Variants in INPP5D observed in about 807,000 individuals in gnomAD.
INPP5D encodes the protein inositol polyphosphate-5-phosphatase D.
In INPP5D, 33 loss-of-function variants were observed where a neutral mutation model predicts 122.9. That is an observed-to-expected ratio of 0.27 (90% CI 0.20 to 0.36). The LOEUF is 0.36. Among genes scored for constraint, INPP5D ranks in the 10% least tolerant of loss-of-function variants. The probability of loss-of-function intolerance (pLI) is 1.00; values close to 1 mark genes in which losing one functional copy is unlikely to be tolerated. For synonymous variants in INPP5D, 584 were observed against 576.2 expected (o/e 1.01, Z -0.19); for missense variants, 1,053 against 1,412.7 (o/e 0.75, Z 4.08).
rs1049584560 is a variant in INPP5D, at chr2:233,145,905, G to T, written c.754-257G>T. The T allele has an allele frequency of 4.2e-5, 27 of 647,524 alleles. No individual in the cohort carries two copies. In the African/African-American group the frequency reaches 4.5e-4, roughly 11 times the overall value. 40.1% of individuals were successfully genotyped at this position (647,524 alleles called of 1,614,324 possible). A position where few individuals can be genotyped will look rare whatever the true frequency, so the allele number is the denominator to read the frequency against. On this transcript the variant is annotated intron_variant, in intron 6 of 26. Coordinates refer to ENST00000445964, the MANE Select transcript of INPP5D (RefSeq NM_001017915.3). Reference sequence around the variant, plus strand: ...CCTCGAGTTTTGTTTAAGCAACGGAGTGGGTGAGGTGAGAAGCACCGGGGG... The same window carrying T: ...CCTCGAGTTTTGTTTAAGCAACGGATTGGGTGAGGTGAGAAGCACCGGGGG...
At chr2:233,093,897 G>A (rs1466331771) in intron 2 of INPP5D, among the ~76,000 whole-genome samples, 1 of 152,148 alleles carries the variant, frequency 6.6e-6, no homozygotes, top group African/African-American at 2.4e-5. Context: ...CTTGGCAGAA[G>A]AACACGCTAT....
intron 17 of INPP5D, among the ~76,000 whole-genome samples, chr2:233,171,983 A>C (rs1019388548): frequency 3.9e-5 from 6 of 152,226 alleles, no homozygotes; most frequent in African/African-American, 1.4e-4. Context: ...CTCAGGAGAA[A>C]GTGAAGAACT....
intron 24 of INPP5D, among the ~76,000 whole-genome samples, chr2:233,196,428 C>T (rs542835711): frequency 2.6e-5 from 4 of 152,230 alleles, no homozygotes; most frequent in South Asian, 2.1e-4. Flanking sequence ...TAGGAACTTG[C>T]GGCCTAGTGC....
intron 6 of INPP5D, chr2:233,141,373 C>G (rs1455792196): frequency 6.6e-6 from 1 of 152,108 alleles, no homozygotes; most frequent in African/African-American, 2.4e-5. Flanking sequence ...TTGAGACCAA[C>G]CTGACCAACA....
intron 20 of INPP5D, among the ~76,000 whole-genome samples, chr2:233,184,871 G>C (rs141510283): frequency 2.6e-5 from 4 of 152,210 alleles, no homozygotes; most frequent in Admixed American, 6.5e-5. Flanking sequence ...GTTGGGCCCA[G>C]GTCCAGACCT....
At chr2:233,172,802 T>C (rs1450164722) in intron 17 of INPP5D, among the ~76,000 whole-genome samples, 1 of 152,238 alleles carries the variant, frequency 6.6e-6, no homozygotes, top group Non-Finnish European at 1.5e-5. Flanking sequence ...CTATTGATCC[T>C]AGGCTACAAA....
chr2:233,115,918 C>G (rs1054237053), intron 2 of INPP5D, among the ~76,000 whole-genome samples: 7 of 152,118 alleles, frequency 4.6e-5, no homozygotes, highest in Non-Finnish European at 8.8e-5. Context: ...GCAACTATGA[C>G]ATGACGCAGA....
intron 2 of INPP5D, among the ~76,000 whole-genome samples, chr2:233,083,819 G>A (rs537419490): frequency 8.5e-5 from 13 of 152,118 alleles, no homozygotes; most frequent in Non-Finnish European, 1.8e-4. Context: ...CTCAAACCTA[G>A]GGCCACAGTT....
chr2:233,098,832 G>A (rs1165376134), intron 2 of INPP5D, among the ~76,000 whole-genome samples: 1 of 152,120 alleles, frequency 6.6e-6, no homozygotes, highest in Non-Finnish European at 1.5e-5. Flanking sequence ...GTGGCACCAG[G>A]GGGCGCCCAT....
At chr2:233,201,936 G>C (rs1245137673) in intron 25 of INPP5D, among the ~76,000 whole-genome samples, 1 of 152,154 alleles carries the variant, frequency 6.6e-6, no homozygotes. Context: ...CTTTGGTCAG[G>C]GGAATAAGAC....
intron 11 of INPP5D, among the ~76,000 whole-genome samples, chr2:233,162,064 C>T (rs1214959679): frequency 6.6e-6 from 1 of 152,124 alleles, no homozygotes; most frequent in African/African-American, 2.4e-5. Flanking sequence ...GAGCAGCTGG[C>T]GTGGGTTACT....
intron 2 of INPP5D, among the ~76,000 whole-genome samples, chr2:233,116,496 C>G (rs574171483): frequency 6.6e-6 from 1 of 152,220 alleles, no homozygotes; most frequent in East Asian, 1.9e-4. Context: ...TCATGTTGCC[C>G]AAGCTGGTCT....
At chr2:233,081,501 G>A (rs1028488437) in intron 2 of INPP5D, among the ~76,000 whole-genome samples, 2 of 152,252 alleles carry the variant, frequency 1.3e-5, no homozygotes, top group East Asian at 1.9e-4. Flanking sequence ...GTCGGCACCC[G>A]CCGCCTGTAA....
Position 233,198,271 on chromosome 2 carries a change from G to A in INPP5D, c.2870G>A (p.Arg957Lys). 3 of 1,613,530 alleles carry A rather than the reference G, an allele frequency of 1.9e-6. No homozygotes were observed. The highest frequency in any genetic ancestry group is 2.5e-6 in the Non-Finnish European group (3 of 1,179,874). The change falls in exon 25 of 27, where the codon AGG becomes AAG. Residue 957 changes from arginine to lysine, a missense_variant. By Grantham distance (26) the Arg-to-Lys change is conservative (BLOSUM62 2). This residue lies in a region of INPP5D where 417 missense variants were observed against 425.8 expected (regional missense o/e 0.98). Transcript: ENST00000445964. ...AAGGACTCCCCGCTGGGGCCCTGCA[G>A]GGGAGAAAGTCCTCCGACACCTCCC... ...PPKDSPLGPC[R>K]GESPPTPPGQ...
chr2:233,066,685 C>T (rs563093188), intron 1 of INPP5D, among the ~76,000 whole-genome samples: 31 of 152,014 alleles, frequency 2.0e-4, no homozygotes, highest in African/African-American at 7.5e-4. Flanking sequence ...CGGCGCACTG[C>T]AACCTCTGTC....
intron 21 of INPP5D, 21 bp downstream of exon 21, chr2:233,185,946 TC>T: frequency 6.3e-7 from 1 of 1,575,264 alleles, no homozygotes; most frequent in Non-Finnish European, 8.6e-7. Flanking sequence ...AGCAAGGCAT[TC>T]CCCAGAGGGA....
rs768339011 is a variant in INPP5D at position 233,192,068 on chromosome 2, C to T, written c.2447-1744C>T. On this transcript the variant is annotated intron_variant, in intron 22 of 26. Transcript: ENST00000445964. The stretch of plus-strand genomic sequence containing the variant: ...GGCCTGAGCCCAGGCAGCTCTTCCC[C>T]GTTCCCAGTGCAGCACTGGCAAGAG... 3.3e-5 allele frequency among the ~76,000 whole-genome samples: 5 copies of T among 152,118 alleles called. No homozygotes were observed. The East Asian group carries it at 5.8e-4, about 18-fold the overall frequency.
intron 21 of INPP5D, 56 bp downstream of exon 21, chr2:233,185,981 G>A (rs1244531340): frequency 2.0e-6 from 3 of 1,504,708 alleles, no homozygotes; most frequent in East Asian, 5.0e-5. Context: ...TAGGCCAGTA[G>A]TACCAGCCAG....
At chr2:233,102,966 C>G (rs1398332115) in intron 2 of INPP5D, among the ~76,000 whole-genome samples, 1 of 152,074 alleles carries the variant, frequency 6.6e-6, no homozygotes, top group Admixed American at 6.5e-5. Context: ...CACTCCCCTT[C>G]CTAGGAAACC....
Sources: gnomAD v4.1 joint callset for allele counts (sites outside exome capture counted in the v4.1 genomes callset) on GRCh38, gnomAD v4.1.1 for gene constraint, gnomAD v4.1.1 regional missense constraint, MANE v1.5 for transcripts, NCBI Gene and HGNC (gene_info 2026-07-23, HGNC 2026-07-21) for gene names.